The following IL6R variants were observed in gnomAD, a reference collection of about 807,000 sequenced individuals.
IL6R encodes the protein interleukin-6 receptor subunit alpha.
A neutral mutation model predicts 48.3 loss-of-function variants in IL6R; 38 were observed. The ratio of observed to expected loss-of-function variants is 0.79; its 90% CI spans 0.61 to 1.03. The LOEUF is 1.03. IL6R is among the 50% of genes least tolerant of loss of function. The probability of loss-of-function intolerance (pLI) is 0.00; values close to 1 mark genes in which losing one functional copy is unlikely to be tolerated. For missense variants in IL6R, 534 were observed against 618.3 expected, an observed-to-expected ratio of 0.86 and a Z score of 1.45; for synonymous variants, 264 against 256.2, an observed-to-expected ratio of 1.03 and a Z score of -0.29.
At chr1:154,452,900 G>A (rs1402594798) in intron 8 of IL6R, among the ~76,000 whole-genome samples, 1 of 150,604 alleles carries the variant, frequency 6.6e-6, no homozygotes, top group Non-Finnish European at 1.5e-5. Flanking sequence ...ATATTTGTTG[G>A]ATGAAAGAAG....
In IL6R at chr1:154,414,660, G is replaced by A. The variant is rs189235921; in HGVS notation, c.85+8946G>A. The A allele has an allele frequency of 1.1e-3, 911 of 851,490 alleles. 16 individuals are homozygous for A. In the Admixed American group the frequency reaches 0.016, roughly 15 times the overall value. The allele number at this position is 851,490 out of a possible 1,614,324, so 52.7% of individuals were successfully genotyped here. A position where few individuals can be genotyped will look rare whatever the true frequency, so the allele number is the denominator to read the frequency against. ...CGATGAAGACGGTGTAGCTCTTGGC[G>A]AGGATGTTACCCTTGGCCAGGAACA... On this transcript the variant is annotated intron_variant, in intron 1 of 9. Transcript: ENST00000368485.
intron 3 of IL6R, among the ~76,000 whole-genome samples, chr1:154,431,758 C>T (rs1482162580): frequency 6.6e-6 from 1 of 152,070 alleles, no homozygotes; most frequent in Non-Finnish European, 1.5e-5. Flanking sequence ...TTGGGTGACT[C>T]TGGGTCACCG....
rs555875782 is a variant in IL6R, at chr1:154,431,130, G to A, written c.458+524G>A. Among the ~76,000 whole-genome samples, 37 of 152,290 alleles carry A rather than the reference G, an allele frequency of 2.4e-4. No individual in the cohort carries two copies. In the South Asian group the frequency reaches 5.4e-3, roughly 22 times the overall value. ...CACGAGAGAGAAAGCGGTGATGGGC[G>A]GGGGAGAGGGAGCTTGGGGCCGTGG... On this transcript the variant is annotated intron_variant, in intron 3 of 9. Coordinates refer to ENST00000368485, the MANE Select transcript of IL6R (RefSeq NM_000565.4).
chr1:154,454,206 A>G (rs1267540027), intron 8 of IL6R: 1 of 469,650 alleles, frequency 2.1e-6, no homozygotes, highest in African/African-American at 2.0e-5. Context: ...ACAGGCGCTC[A>G]GAAACCCTGA....
chr1:154,418,216 C>T (rs1479163382), intron 1 of IL6R, among the ~76,000 whole-genome samples: 4 of 152,162 alleles, frequency 2.6e-5, no homozygotes, highest in African/African-American at 4.8e-5. Context: ...GAGAGTTGAC[C>T]CAGGTTGTAC....
chr1:154,416,130 T>C (rs1479757844), intron 1 of IL6R, among the ~76,000 whole-genome samples: 1 of 152,090 alleles, frequency 6.6e-6, no homozygotes, highest in African/African-American at 2.4e-5. Flanking sequence ...GTTTTATTTT[T>C]TCCTTCCTAT....
intron 1 of IL6R, among the ~76,000 whole-genome samples, chr1:154,426,161 G>GACACACACACACACACACACACAC (rs372688307): frequency 1.7e-5 from 2 of 118,572 alleles, no homozygotes; most frequent in Non-Finnish European, 3.6e-5. Context: ...CCCTGTATCA[G>GACACACACACACACACACACACAC]ACACACACAC....
rs1409408929 is a variant in IL6R, at chr1:154,468,415, A to T, written c.*3035A>T. 6.6e-6 allele frequency: 1 copy of T among 152,246 alleles called. No homozygotes were observed. Among genetic ancestry groups the T allele is most frequent in the African/African-American group, 2.4e-5 (1 of 41,452 alleles). 9.4% of individuals were successfully genotyped at this position (152,246 alleles called of 1,614,324 possible). On this transcript the variant is annotated 3_prime_UTR_variant, in exon 10 of 10. Coordinates refer to ENST00000368485, the MANE Select transcript of IL6R (RefSeq NM_000565.4). ...GCTTATCCTGCTGGGTGGGGAAAGT[A>T]AAAAATATGCTGGTTCAAGGCCTAA...
chr1:154,453,717 A>C (rs1300026336), intron 8 of IL6R, among the ~76,000 whole-genome samples: 1 of 152,180 alleles, frequency 6.6e-6, no homozygotes, highest in Non-Finnish European at 1.5e-5. Flanking sequence ...CCTTCAGGGA[A>C]CTCAGTCTAG....
At chr1:154,430,452 C>T (rs748584297) in intron 2 of IL6R, 31 bp from the exon 3 acceptor site, 1 of 1,609,510 alleles carries the variant, frequency 6.2e-7, no homozygotes, top group Non-Finnish European at 8.5e-7. Context: ...TCCCCGCCCG[C>T]CTGCTGACAC....
intron 1 of IL6R, among the ~76,000 whole-genome samples, chr1:154,411,693 A>G (rs1688028721): frequency 6.6e-6 from 1 of 152,146 alleles, no homozygotes; most frequent in African/African-American, 2.4e-5. Context: ...AAGTCACTAC[A>G]AGCTTTAAAG....
At chr1:154,409,865 G>A (rs920989490) in intron 1 of IL6R, among the ~76,000 whole-genome samples, 1 of 152,178 alleles carries the variant, frequency 6.6e-6, no homozygotes, top group Non-Finnish European at 1.5e-5. Flanking sequence ...GACCCCATGT[G>A]TGTTTGTGGC....
intron 1 of IL6R, chr1:154,414,609 A>C (rs1270007181): frequency 3.8e-6 from 3 of 781,940 alleles, no homozygotes; most frequent in African/African-American, 1.7e-5. Context: ...CGGCCATCTC[A>C]TCCCTGATAG....
chr1:154,429,491 A>C, intron 2 of IL6R, 47 bp downstream of exon 2: 1 of 1,575,656 alleles, frequency 6.3e-7, no homozygotes, highest in Non-Finnish European at 8.7e-7. Context: ...GTAAGAAATG[A>C]GGCTTTGTGC....
intron 6 of IL6R, among the ~76,000 whole-genome samples, chr1:154,447,449 A>T (rs1690294522): frequency 1.8e-5 from 1 of 56,404 alleles, no homozygotes; most frequent in Non-Finnish European, 3.3e-5. Context: ...AAAAAAAAAA[A>T]AAAAAATATA....
intron 5 of IL6R, among the ~76,000 whole-genome samples, chr1:154,435,737 G>A (rs1180576160): frequency 2.0e-5 from 3 of 152,320 alleles, no homozygotes; most frequent in East Asian, 1.9e-4. Flanking sequence ...CATGTCAAGG[G>A]TTGTGGCTTG....
At chr1:154,412,759 C>T (rs74229234) in intron 1 of IL6R, among the ~76,000 whole-genome samples, 1 of 151,868 alleles carries the variant, frequency 6.6e-6, no homozygotes, top group Non-Finnish European at 1.5e-5. Context: ...ATTTGAAGTA[C>T]CTATGGTTAT....
chr1:154,432,401 A>G (rs920186521), intron 3 of IL6R, among the ~76,000 whole-genome samples: 1 of 142,288 alleles, frequency 7.0e-6, no homozygotes, highest in Admixed American at 7.5e-5. Flanking sequence ...TCTGTCGCCC[A>G]GGCTGGAGTG....
At chr1:154,443,831 G>A (rs1025710678) in intron 6 of IL6R, among the ~76,000 whole-genome samples, 1 of 152,108 alleles carries the variant, frequency 6.6e-6, no homozygotes, top group Middle Eastern at 3.2e-3. Context: ...ACTTGGCCCA[G>A]ACTTCTGGCC....
Sources: allele counts gnomAD v4.1 joint callset (sites outside exome capture counted in the v4.1 genomes callset), GRCh38; gene constraint gnomAD v4.1.1; transcripts MANE v1.5; gene names NCBI Gene and HGNC (gene_info 2026-07-23, HGNC 2026-07-21).